ZNF607: variants seen among roughly 807,000 people sequenced by gnomAD.
ZNF607 encodes the protein zinc finger protein 607.
In ZNF607, 5 loss-of-function variants were observed where a neutral mutation model predicts 12.8. The ratio of observed to expected loss-of-function variants is 0.39; its 90% CI spans 0.20 to 0.82. The LOEUF is 0.82. Ranked by LOEUF, ZNF607 falls within the 40% of genes least tolerant of loss-of-function variation. The pLI, the probability that ZNF607 is intolerant of heterozygous loss-of-function variation, is 0.39. For missense variants in ZNF607, 851 were observed against 859.2 expected, an observed-to-expected ratio of 0.99 and a Z score of 0.12; for synonymous variants, 287 against 276.2, an observed-to-expected ratio of 1.04 and a Z score of -0.39.
At chr19:37,707,770 T>C (rs1456679416) in intron 4 of ZNF607, 144 bp downstream of exon 4, 10 of 629,652 alleles carry the variant, frequency 1.6e-5, no homozygotes, top group African/African-American at 5.6e-5. Flanking sequence ...GAGATATCCA[T>C]TTCTTCTCCA....
Position 37,699,291 on chromosome 19 carries a change from T to C in ZNF607, c.840A>G (p.Pro280=), listed in dbSNP as rs550290266. The change falls in exon 5 of 5, where the codon CCA becomes CCG. Residue 280 remains proline (P), a synonymous_variant. Transcript: ENST00000355202. The part of the protein sequence containing the change: ...VHQSIHTGEK[P]HECKECGKAF... ...CCTTTCCACATTCCTTACATTCATGTGGCTTCTCTCCAGTATGAATACTCT... is the reference window on the plus strand; with the variant it reads ...CCTTTCCACATTCCTTACATTCATGCGGCTTCTCTCCAGTATGAATACTCT... The C allele has an allele frequency of 6.2e-6, 10 of 1,613,846 alleles. No individual in the cohort carries two copies. The East Asian group carries it at 2.2e-4, about 36-fold the overall frequency.
At chr19:37,706,745 C>G (rs184325632) in intron 4 of ZNF607, among the ~76,000 whole-genome samples, 392 of 152,102 alleles carry the variant, frequency 2.6e-3, no homozygotes, top group Middle Eastern at 0.014. Context: ...GGTTGGAGTG[C>G]GGTATTGTGA....
rs1385740375 is a variant in ZNF607 at position 37,696,388 on chromosome 19, T to C, written c.*1652A>G. ...TGATATTATTATATACAGAAGCTAA[T>C]GTTTATTGAACGTAACAGTATATTT... On this transcript the variant is annotated 3_prime_UTR_variant, in exon 5 of 5. Transcript: ENST00000355202. 1 of 188,128 alleles carries C rather than the reference T, an allele frequency of 5.3e-6. No individual in the cohort carries two copies. The highest frequency in any genetic ancestry group is 5.9e-5 in the Admixed American group (1 of 17,026). 11.7% of individuals were successfully genotyped at this position (188,128 alleles called of 1,614,324 possible).
intron 4 of ZNF607, among the ~76,000 whole-genome samples, chr19:37,702,287 C>CAAA (rs10714690): frequency 7.5e-3 from 546 of 72,486 alleles, no homozygotes; most frequent in Non-Finnish European, 8.9e-3. Flanking sequence ...AACTCCATCT[C>CAAA]AAAAAAAAAA....
intron 4 of ZNF607, among the ~76,000 whole-genome samples, chr19:37,700,598 G>T (rs374196727): frequency 6.6e-6 from 1 of 152,078 alleles, no homozygotes; most frequent in Non-Finnish European, 1.5e-5. Context: ...GGAGAAAATG[G>T]GTACACATCA....
At chr19:37,708,761 T>C (rs2045107441) in intron 3 of ZNF607, among the ~76,000 whole-genome samples, 1 of 148,260 alleles carries the variant, frequency 6.7e-6, no homozygotes. Flanking sequence ...GGCAGGAGAA[T>C]CACTTTAACC....
chr19:37,708,130 T>C, intron 3 of ZNF607, 118 bp from the exon 4 acceptor site: 1 of 678,628 alleles, frequency 1.5e-6, no homozygotes, highest in South Asian at 2.5e-5. Context: ...TAGAGAAGAG[T>C]GAGGGAAATA....
At position 37,698,885 on chromosome 19, in the gene ZNF607, TATG is replaced by T. The variant is rs2045008517; in HGVS notation, c.1243_1245del (p.His415del). On this transcript the variant is annotated inframe_deletion, in exon 5 of 5. Coordinates refer to ENST00000355202, the MANE Select transcript of ZNF607 (RefSeq NM_032689.5). ...TTACATTTGTAGGGTTTCTCACCGG[TATG>T]AATATTTTGATGTATTTTAAGGGAT... 1.9e-6 allele frequency: 3 copies of T among 1,613,968 alleles called. No individual in the cohort carries two copies. In the East Asian group the frequency reaches 6.7e-5, roughly 36 times the overall value.
Position 37,698,736 on chromosome 19 carries a change from A to G in ZNF607, c.1395T>C (p.Val465=). The G allele has an allele frequency of 2.5e-6, 4 of 1,613,398 alleles. No homozygotes were observed. Among genetic ancestry groups the G allele is most frequent in the Non-Finnish European group, 3.4e-6 (4 of 1,179,408 alleles). ...CTCCTGTATGAATTCTCTCATGTAT[A>G]ACAAGATATGAGGCACAACGAAAGG... ...GKSFRCASYL[V]IHERIHTGEK... Residue 465 remains valine, a synonymous_variant, in exon 5 of 5, where the codon GTT becomes GTC. Coordinates refer to ENST00000355202, the MANE Select transcript of ZNF607 (RefSeq NM_032689.5).
intron 3 of ZNF607, among the ~76,000 whole-genome samples, chr19:37,708,839 T>G (rs1248236255): frequency 1.0e-5 from 1 of 99,058 alleles, no homozygotes; most frequent in African/African-American, 3.6e-5. Flanking sequence ...CAGAAGACTC[T>G]GTCTCAAAAA....
At chr19:37,712,657 A>G (rs1244580055) in intron 1 of ZNF607, among the ~76,000 whole-genome samples, 1 of 152,220 alleles carries the variant, frequency 6.6e-6, no homozygotes, top group Non-Finnish European at 1.5e-5. Flanking sequence ...AGTTTGATAA[A>G]TAGCATTCCC....
chr19:37,716,577 C>T (rs2045178222), intron 1 of ZNF607, among the ~76,000 whole-genome samples: 1 of 152,162 alleles, frequency 6.6e-6, no homozygotes, highest in Admixed American at 6.5e-5. Context: ...AGGAGTCTGT[C>T]TATTTCATTA....
rs1282921083 is a variant in ZNF607 at position 37,698,599 on chromosome 19, C to T, written c.1532G>A (p.Gly511Glu). 1 of 1,614,072 alleles carries T rather than the reference C, an allele frequency of 6.2e-7. No individual in the cohort carries two copies. The highest frequency in any genetic ancestry group is 1.7e-5 in the Admixed American group (1 of 60,014). The change falls in exon 5 of 5, where the codon GGG becomes GAG. Residue 511 changes from glycine (G) to glutamate (E), a missense_variant. Coordinates refer to ENST00000355202, the MANE Select transcript of ZNF607 (RefSeq NM_032689.5). ...GEKPYECKECGKAFSVSGQLT... is the reference protein window; with the variant it reads ...GEKPYECKECEKAFSVSGQLT... Reference sequence around the variant, plus strand: ...TTGTCCAGATACACTAAAGGCCTTCCCACATTCCTTACATTCATAAGGTTT... The same window carrying T: ...TTGTCCAGATACACTAAAGGCCTTCTCACATTCCTTACATTCATAAGGTTT...
At position 37,698,087 on chromosome 19, in the gene ZNF607, A is replaced by C. The variant is rs2044992599; in HGVS notation, c.2044T>G (p.Phe682Val). The C allele has an allele frequency of 6.2e-7, 1 of 1,612,860 alleles. No individual in the cohort carries two copies. Among genetic ancestry groups the C allele is most frequent in the Admixed American group, 1.7e-5 (1 of 59,898 alleles). Residue 682 changes from phenylalanine to valine, a missense_variant, in exon 5 of 5, where the codon TTT becomes GTT. By Grantham distance (50) the Phe-to-Val change is conservative. Transcript: ENST00000355202. ...PFKCNKCRRS[F>V]RLRSILEVHQ... ...ACTTCAAGGATGGATCTAAGCCTAA[A>C]GGACCTTCTGCATTTGTTACATTTA... is the stretch of plus-strand genomic sequence containing the variant.
At chr19:37,713,408 GCGTAGTAGAAGCACTTAA>G (rs2045148113) in intron 1 of ZNF607, among the ~76,000 whole-genome samples, 1 of 151,770 alleles carries the variant, frequency 6.6e-6, no homozygotes, top group South Asian at 2.1e-4. Context: ...TTCAGGTGTG[GCGTAGTAGAAGCACTTAA>G]TAAAAGTCTG....
chr19:37,714,339 A>AACAACC (rs2045157000), intron 1 of ZNF607, among the ~76,000 whole-genome samples: 1 of 148,740 alleles, frequency 6.7e-6, no homozygotes, highest in Non-Finnish European at 1.5e-5. Flanking sequence ...CAACAACAAC[A>AACAACC]ACAGCAGCAG....
intron 4 of ZNF607, among the ~76,000 whole-genome samples, chr19:37,704,235 A>G (rs1397513476): frequency 6.6e-6 from 1 of 152,232 alleles, no homozygotes; most frequent in Admixed American, 6.5e-5. Context: ...CGGTAAAAAT[A>G]TACAAGATTT....
Position 37,707,925 on chromosome 19 carries a change from CCTCTT to C in ZNF607, c.219_223del (p.Gly75ValfsTer9). ...TGACTTGCTCTTACCTGTACACTCT[CCTCTT>C]GTTTCTTCCCTCACAATCATCCATG... is the stretch of plus-strand genomic sequence containing the variant. On this transcript the variant is annotated frameshift_variant, in exon 4 of 5. Coordinates refer to ENST00000355202, the MANE Select transcript of ZNF607 (RefSeq NM_032689.5). LOFTEE classifies it low-confidence loss of function (END_TRUNC). 5 of 1,613,936 alleles carry C rather than the reference CCTCTT, an allele frequency of 3.1e-6. No homozygotes were observed. The highest frequency in any genetic ancestry group is 4.2e-6 in the Non-Finnish European group (5 of 1,179,878).
In ZNF607 at chr19:37,699,016, T is replaced by C. The variant is rs779541817; in HGVS notation, c.1115A>G (p.Lys372Arg). 1 of 1,613,924 alleles carries C rather than the reference T, an allele frequency of 6.2e-7. No individual in the cohort carries two copies. The highest frequency in any genetic ancestry group is 8.5e-7 in the Non-Finnish European group (1 of 1,179,964). ...EKPYKCEECG[K>R]AFSVHGRLTR... ...AAGTCGTCCATGCACACTAAAGGCT[T>C]TCCCACATTCCTCACACTTATAAGG... Residue 372 changes from lysine to arginine, a missense_variant, in exon 5 of 5, where the codon AAA becomes AGA. Lys to Arg is a conservative substitution (Grantham distance 26). Coordinates refer to ENST00000355202, the MANE Select transcript of ZNF607 (RefSeq NM_032689.5).
Sources: gnomAD v4.1 joint callset for allele counts (sites outside exome capture counted in the v4.1 genomes callset) on GRCh38, gnomAD v4.1.1 for gene constraint, MANE v1.5 for transcripts, NCBI Gene and HGNC (gene_info 2026-07-23, HGNC 2026-07-21) for gene names.